The following PCDH15 variants were observed in gnomAD, a reference collection of about 807,000 sequenced individuals.
The protein encoded by PCDH15 is protocadherin-15.
A neutral mutation model predicts 178.5 loss-of-function variants in PCDH15; 129 were observed. That is an observed-to-expected ratio of 0.72 (90% CI 0.63 to 0.84). The LOEUF (loss-of-function observed/expected upper bound fraction) is 0.84. Among genes scored for constraint, PCDH15 ranks in the 40% least tolerant of loss-of-function variants. The pLI is 0.00. For synonymous variants in PCDH15, 800 were observed against 732.0 expected (o/e 1.09, Z -1.50); for missense variants, 2,230 against 2,099.9 (o/e 1.06, Z -1.21).
intron 1 of PCDH15, among the ~76,000 whole-genome samples, chr10:54,707,078 T>C (rs1390425526): frequency 2.0e-5 from 3 of 152,206 alleles, no homozygotes; most frequent in African/African-American, 7.2e-5. Context: ...ACTGTAGCTG[T>C]ACTTGGTATA....
chr10:54,442,723 T>G (rs1589434424), intron 3 of PCDH15, among the ~76,000 whole-genome samples: 1 of 151,308 alleles, frequency 6.6e-6, no homozygotes, highest in East Asian at 2.0e-4. Context: ...GAAGTTTAAA[T>G]GTCTTATAAG....
intron 3 of PCDH15, among the ~76,000 whole-genome samples, chr10:54,807,221 G>C (rs1952793169): frequency 6.6e-6 from 1 of 151,988 alleles, no homozygotes; most frequent in African/African-American, 2.4e-5. Flanking sequence ...TGAAAATTCT[G>C]AACAATCAAA....
chr10:54,115,460 C>T (rs1442136777), intron 15 of PCDH15, among the ~76,000 whole-genome samples: 3 of 152,212 alleles, frequency 2.0e-5, no homozygotes, highest in Non-Finnish European at 2.9e-5. Context: ...AAATGTTGCA[C>T]ACTGAAAGGC....
At chr10:54,621,343 G>A (rs1406221244) in intron 2 of PCDH15, among the ~76,000 whole-genome samples, 1 of 151,844 alleles carries the variant, frequency 6.6e-6, no homozygotes, top group Admixed American at 6.6e-5. Context: ...TATTAAATAT[G>A]CTGATCTCTG....
intron 2 of PCDH15, among the ~76,000 whole-genome samples, chr10:55,456,176 GGATGT>G (rs1479985420): frequency 1.3e-5 from 2 of 152,098 alleles, no homozygotes; most frequent in East Asian, 3.9e-4. Flanking sequence ...TAGCATCTAT[GGATGT>G]GATGCTTTTT....
intron 21 of PCDH15, among the ~76,000 whole-genome samples, chr10:53,977,852 C>T (rs2090312006): frequency 6.6e-6 from 1 of 152,186 alleles, no homozygotes; most frequent in Non-Finnish European, 1.5e-5. Context: ...CTACAGGCCC[C>T]ATGCATGTCT....
intron 1 of PCDH15, among the ~76,000 whole-genome samples, chr10:55,245,023 T>C (rs1841648674): frequency 6.6e-6 from 1 of 152,046 alleles, no homozygotes; most frequent in African/African-American, 2.4e-5. Context: ...ATTGCTATCT[T>C]TGAAATCTCA....
chr10:55,208,261 G>T (rs967748230), intron 1 of PCDH15, among the ~76,000 whole-genome samples: 11 of 152,030 alleles, frequency 7.2e-5, no homozygotes, highest in African/African-American at 2.7e-4. Flanking sequence ...CCATACAAGT[G>T]TTCTGCTTAT....
intron 2 of PCDH15, among the ~76,000 whole-genome samples, chr10:55,576,208 A>G (rs1345018317): frequency 1.3e-5 from 2 of 152,200 alleles, no homozygotes; most frequent in Non-Finnish European, 2.9e-5. Flanking sequence ...AATATTTTTC[A>G]TATCATATGT....
At chr10:54,969,843 G>T (rs896232824) in intron 2 of PCDH15, among the ~76,000 whole-genome samples, 1 of 152,106 alleles carries the variant, frequency 6.6e-6, no homozygotes, top group Admixed American at 6.6e-5. Context: ...ATTTCATTTT[G>T]TAGTTGTTTC....
intron 2 of PCDH15, among the ~76,000 whole-genome samples, chr10:54,948,265 T>A (rs1176102493): frequency 6.6e-6 from 1 of 151,988 alleles, no homozygotes; most frequent in East Asian, 1.9e-4. Flanking sequence ...ATTATTTCTG[T>A]TTGAGTGCAA....
chr10:54,345,276 T>A (rs1007077151), intron 6 of PCDH15, among the ~76,000 whole-genome samples: 1 of 152,144 alleles, frequency 6.6e-6, no homozygotes, highest in Non-Finnish European at 1.5e-5. Flanking sequence ...GACTCTACTA[T>A]CCCAATAGAG....
intron 13 of PCDH15, among the ~76,000 whole-genome samples, chr10:54,157,857 G>T (rs1037866238): frequency 3.3e-5 from 5 of 152,232 alleles, no homozygotes; most frequent in African/African-American, 1.2e-4. Context: ...CAAGTTCAAA[G>T]TTCCACAAAT....
chr10:54,062,253 C>CAACTAAAAAAAAAAAAAAAAAAA (rs2094041332), intron 18 of PCDH15, among the ~76,000 whole-genome samples: 1 of 75,844 alleles, frequency 1.3e-5, no homozygotes, highest in Non-Finnish European at 2.5e-5. Flanking sequence ...AAAAAAAAAA[C>CAACTAAAAAAAAAAAAAAAAAAA]AAAAAACAAC....
chr10:54,445,077 G>C (rs1414470377), intron 3 of PCDH15, among the ~76,000 whole-genome samples: 2 of 150,756 alleles, frequency 1.3e-5, no homozygotes, highest in Non-Finnish European at 3.0e-5. Flanking sequence ...CTTGTCCTGG[G>C]TTCCATCTTT....
chr10:53,882,782 T>C (rs921363055), intron 26 of PCDH15, among the ~76,000 whole-genome samples: 3 of 152,232 alleles, frequency 2.0e-5, no homozygotes, highest in Non-Finnish European at 1.5e-5. Flanking sequence ...GTTTTTCTTT[T>C]AAAATATTCC....
At chr10:55,584,748 T>TATAG in intron 2 of PCDH15, among the ~76,000 whole-genome samples, 1 of 150,556 alleles carries the variant, frequency 6.6e-6, no homozygotes, top group East Asian at 1.9e-4. Context: ...TAGACACACA[T>TATAG]ATAGATAGAT....
chr10:54,726,587 C>T (rs4935547), intron 1 of PCDH15, among the ~76,000 whole-genome samples: 18,424 of 151,286 alleles, frequency 0.12, 1,246 homozygotes, highest in African/African-American at 0.17. Context: ...GAATTCAGAA[C>T]TTGGTTTTCA....
chr10:54,728,183 C>A (rs1033162507), intron 1 of PCDH15, among the ~76,000 whole-genome samples: 1 of 151,394 alleles, frequency 6.6e-6, no homozygotes. Context: ...AAATCCTCAA[C>A]AAAATACTAG....
Sources: allele counts gnomAD v4.1 joint callset (sites outside exome capture counted in the v4.1 genomes callset), GRCh38; gene constraint gnomAD v4.1.1; transcripts MANE v1.5; gene names NCBI Gene and HGNC (gene_info 2026-07-23, HGNC 2026-07-21).